Variants in GNB5 observed in about 807,000 individuals in gnomAD.
GNB5 encodes the protein G protein subunit beta 5.
GNB5 carries 37 observed loss-of-function variants against 55.3 expected under a neutral mutation model. That is an observed-to-expected ratio of 0.67 (90% CI 0.51 to 0.88). GNB5 has a LOEUF of 0.88. GNB5 is among the 40% of genes least tolerant of loss of function. The probability of loss-of-function intolerance (pLI) is 0.00; values close to 1 mark genes in which losing one functional copy is unlikely to be tolerated. For synonymous variants in GNB5, 219 were observed against 198.5 expected (o/e 1.10, Z -0.87); for missense variants, 476 against 515.3 (o/e 0.92, Z 0.74).
intron 9 of GNB5, among the ~76,000 whole-genome samples, chr15:52,132,416 GTCA>G (rs1431190438): frequency 4.0e-5 from 6 of 151,488 alleles, no homozygotes; most frequent in African/African-American, 4.9e-5. Context: ...CCTCTAACTG[GTCA>G]TCATATTTCC....
At chr15:52,188,378 G>A (rs1052041734) in intron 1 of GNB5, among the ~76,000 whole-genome samples, 1 of 152,180 alleles carries the variant, frequency 6.6e-6, no homozygotes, top group Non-Finnish European at 1.5e-5. Context: ...TAAGGAAGAA[G>A]ATAATCACCT....
In GNB5 at chr15:52,115,773, T is replaced by C. The variant is rs993406806; in HGVS notation, c.*6984A>G. The C allele has an allele frequency of 6.6e-6, 1 of 152,256 alleles. No homozygotes were observed. The highest frequency in any genetic ancestry group is 1.5e-5 in the Non-Finnish European group (1 of 68,044). 9.4% of individuals were successfully genotyped at this position (152,256 alleles called of 1,614,324 possible). A position where few individuals can be genotyped will look rare whatever the true frequency, so the allele number is the denominator to read the frequency against. On this transcript the variant is annotated 3_prime_UTR_variant, in exon 13 of 13. Transcript: ENST00000261837. ...AGTGGTTTTTAGTCTATTCACAGAATTGTGCAATCACCACCATCTAATTCA... is the reference window on the plus strand; with the variant it reads ...AGTGGTTTTTAGTCTATTCACAGAACTGTGCAATCACCACCATCTAATTCA...
rs3838856 is a variant in GNB5, at chr15:52,150,705, T to TG, written c.376-781dup. ...TAACCCAGCTGTGGCCTCCCATGGG[T>TG]GTGGGTTGTGACTACAGCATCATCT... On this transcript the variant is annotated intron_variant, in intron 4 of 12. Coordinates refer to ENST00000261837, the MANE Select transcript of GNB5 (RefSeq NM_016194.4). Among the ~76,000 whole-genome samples, 742 of 152,244 alleles carry TG rather than the reference T, an allele frequency of 4.9e-3. 17 individuals are homozygous for TG. The highest frequency in any genetic ancestry group is 0.026 in the Admixed American group (395 of 15,292).
intron 3 of GNB5, among the ~76,000 whole-genome samples, chr15:52,175,022 G>A (rs563316997): frequency 4.3e-4 from 65 of 152,214 alleles, no homozygotes; most frequent in Admixed American, 1.4e-3. Flanking sequence ...GCAGCGAGCC[G>A]AGATCGTGCC....
intron 3 of GNB5, among the ~76,000 whole-genome samples, chr15:52,166,852 T>C (rs769736598): frequency 7.9e-5 from 12 of 151,652 alleles, no homozygotes; most frequent in Middle Eastern, 3.4e-3. Flanking sequence ...CTAAAGGAGA[T>C]AGAGACATGA....
At chr15:52,159,951 CT>C (rs1194780716) in intron 3 of GNB5, among the ~76,000 whole-genome samples, 352 of 142,240 alleles carry the variant, frequency 2.5e-3, no homozygotes, top group Middle Eastern at 7.2e-3. Flanking sequence ...AAATTAGCTT[CT>C]TTTTTTTTTT....
intron 3 of GNB5, among the ~76,000 whole-genome samples, chr15:52,157,599 T>C (rs1387030993): frequency 6.6e-6 from 1 of 152,172 alleles, no homozygotes; most frequent in East Asian, 1.9e-4. Context: ...ATATTGTATT[T>C]AGTATTTTAC....
intron 3 of GNB5, among the ~76,000 whole-genome samples, chr15:52,156,776 C>T (rs918771710): frequency 1.3e-5 from 2 of 152,114 alleles, no homozygotes; most frequent in Non-Finnish European, 1.5e-5. Context: ...AAAAACCTTG[C>T]TAAACTCTAA....
At chr15:52,164,385 G>A (rs1211661744) in intron 3 of GNB5, among the ~76,000 whole-genome samples, 5 of 150,166 alleles carry the variant, frequency 3.3e-5, no homozygotes, top group Admixed American at 6.7e-5. Flanking sequence ...TTGGGAGGCC[G>A]AGGCGGGCGG....
chr15:52,154,179 T>TG, intron 3 of GNB5, 103 bp from the exon 4 acceptor site: 1 of 1,043,054 alleles, frequency 9.6e-7, no homozygotes, highest in Non-Finnish European at 1.4e-6. Flanking sequence ...GGCGGCCCCA[T>TG]GGGCTTCCTC....
chr15:52,182,736 C>T (rs960776221), intron 2 of GNB5, among the ~76,000 whole-genome samples: 2 of 152,178 alleles, frequency 1.3e-5, no homozygotes, highest in African/African-American at 4.8e-5. Flanking sequence ...GTCTCTTCAG[C>T]TGAATGATGC....
chr15:52,128,077 TA>T (rs2033473370), intron 10 of GNB5, 118 bp downstream of exon 10: 3 of 610,022 alleles, frequency 4.9e-6, no homozygotes, highest in East Asian at 5.8e-5. Flanking sequence ...AATATTCCCC[TA>T]AATTTTCTTT....
chr15:52,140,606 GAATA>G (rs1460130002), intron 7 of GNB5, among the ~76,000 whole-genome samples: 7 of 152,212 alleles, frequency 4.6e-5, no homozygotes, highest in Non-Finnish European at 1.5e-5. Context: ...GAATAAGTGT[GAATA>G]AATAAACGAT....
chr15:52,144,030 C>T (rs2033916845), intron 6 of GNB5: 1 of 152,256 alleles, frequency 6.6e-6, no homozygotes, highest in Non-Finnish European at 1.5e-5. Flanking sequence ...TAGCACCTCC[C>T]ACATGCCAGG....
chr15:52,136,126 A>C (rs2033709801), intron 7 of GNB5, among the ~76,000 whole-genome samples: 1 of 80,544 alleles, frequency 1.2e-5, no homozygotes, highest in African/African-American at 4.8e-5. Flanking sequence ...ACACACACAC[A>C]CACACACACA....
rs536366607 is a variant in GNB5, at chr15:52,117,957, G to A, written c.*4800C>T. On this transcript the variant is annotated 3_prime_UTR_variant, in exon 13 of 13. Coordinates refer to ENST00000261837, the MANE Select transcript of GNB5 (RefSeq NM_016194.4). ...ACTCAATCAGCTCTTCCAGGCTTGG[G>A]AATGGCCTGGGCCTCAGCCCCAGTC... 2.6e-5 allele frequency: 4 copies of A among 152,596 alleles called. No homozygotes were observed. In the South Asian group the frequency reaches 8.3e-4, roughly 32 times the overall value. The allele number at this position is 152,596 out of a possible 1,614,324, so 9.5% of individuals were successfully genotyped here. A position where few individuals can be genotyped will look rare whatever the true frequency, so the allele number is the denominator to read the frequency against.
intron 2 of GNB5, among the ~76,000 whole-genome samples, chr15:52,183,349 C>T (rs2141242987): frequency 6.8e-6 from 1 of 148,128 alleles, no homozygotes; most frequent in South Asian, 2.1e-4. Flanking sequence ...GGGGGTAAGG[C>T]CCCCAGAAAG....
At chr15:52,173,372 G>C (rs193178646) in intron 3 of GNB5, among the ~76,000 whole-genome samples, 492 of 152,338 alleles carry the variant, frequency 3.2e-3, no homozygotes, top group Non-Finnish European at 5.3e-3. Context: ...ACCGTGCCCA[G>C]CACATTTACT....
intron 3 of GNB5, among the ~76,000 whole-genome samples, chr15:52,178,043 C>T (rs1486312563): frequency 6.6e-6 from 1 of 152,238 alleles, no homozygotes; most frequent in Non-Finnish European, 1.5e-5. Flanking sequence ...AGGCAACTTA[C>T]AAATTCACAG....
Sources: gnomAD v4.1 joint callset for allele counts (sites outside exome capture counted in the v4.1 genomes callset) on GRCh38, gnomAD v4.1.1 for gene constraint, MANE v1.5 for transcripts, NCBI Gene and HGNC (gene_info 2026-07-23, HGNC 2026-07-21) for gene names.